Variants in KRT7 observed in about 807,000 individuals in gnomAD.
KRT7 encodes the protein keratin 7, also known as keratin, type II cytoskeletal 7.
KRT7 carries 50 observed loss-of-function variants against 42.8 expected under a neutral mutation model. That is an observed-to-expected ratio of 1.17 (90% CI 0.93 to 1.48). The LOEUF (loss-of-function observed/expected upper bound fraction) is 1.48, where lower values mean the gene tolerates loss of function less well. Ranked by LOEUF, KRT7 falls within the 40% of genes most tolerant of loss-of-function variation. The probability of loss-of-function intolerance (pLI) is 0.00; values close to 1 mark genes in which losing one functional copy is unlikely to be tolerated. For missense variants in KRT7, 588 were observed against 637.6 expected (o/e 0.92, Z 0.84); for synonymous variants, 268 against 266.3 (o/e 1.01, Z -0.06).
chr12:52,252,160 T>G (rs1730664837), downstream of KRT7: 1 of 1,440,446 alleles, frequency 6.9e-7, no homozygotes, highest in African/African-American at 1.4e-5. Context: ...TTGATGCACA[T>G]TCCAAGTAAA....
chr12:52,251,167 A>T (rs1027970928), downstream of KRT7, among the ~76,000 whole-genome samples: 5 of 151,928 alleles, frequency 3.3e-5, no homozygotes, highest in African/African-American at 1.2e-4. Flanking sequence ...TTTAGTAGAG[A>T]CGGGGTTTCA....
At chr12:52,251,535 C>T (rs1453397684), downstream of KRT7, among the ~76,000 whole-genome samples, 1 of 152,178 alleles carries the variant, frequency 6.6e-6, no homozygotes. Context: ...TGCTTCTAAG[C>T]TACAAATCTG....
chr12:52,246,720 A>T (rs1942178440), intron 7 of KRT7, among the ~76,000 whole-genome samples: 1 of 152,208 alleles, frequency 6.6e-6, no homozygotes, highest in African/African-American at 2.4e-5. Flanking sequence ...CTCTGGGAAC[A>T]CAGAAGCTGA....
intron 7 of KRT7, among the ~76,000 whole-genome samples, chr12:52,247,024 C>T (rs1942183882): frequency 6.6e-6 from 1 of 152,136 alleles, no homozygotes; most frequent in South Asian, 2.1e-4. Context: ...GATCCGGGTA[C>T]TCTGAGAGGA....
chr12:52,249,568 T>G (rs1350447484), downstream of KRT7: 4 of 152,420 alleles, frequency 2.6e-5, no homozygotes, highest in Non-Finnish European at 5.9e-5. Flanking sequence ...GAAGGACATC[T>G]GTGTTAAGTC....
chr12:52,237,672 C>A, intron 3 of KRT7, 103 bp downstream of exon 3: 1 of 870,732 alleles, frequency 1.1e-6, no homozygotes, highest in South Asian at 1.7e-5. Context: ...CTGGCCAAGG[C>A]CTGCCTGAGC....
chr12:52,234,693 G>C (rs1365826122), intron 1 of KRT7, among the ~76,000 whole-genome samples: 1 of 152,132 alleles, frequency 6.6e-6, no homozygotes, highest in Admixed American at 6.5e-5. Context: ...TGGGCTCCAG[G>C]CTGGGGTCAT....
downstream of KRT7, among the ~76,000 whole-genome samples, chr12:52,254,773 C>G (rs937837577): frequency 6.6e-6 from 1 of 152,180 alleles, no homozygotes; most frequent in Non-Finnish European, 1.5e-5. Context: ...TCAACTCTGT[C>G]CCTTCCAAGT....
chr12:52,237,306 C>G (rs564276046), intron 2 of KRT7, among the ~76,000 whole-genome samples: 6 of 152,242 alleles, frequency 3.9e-5, no homozygotes, highest in Admixed American at 1.3e-4. Context: ...ACCAACAACC[C>G]CCCATGCCAA....
downstream of KRT7, chr12:52,254,190 A>T: frequency 1.7e-6 from 1 of 584,244 alleles, no homozygotes; most frequent in Non-Finnish European, 3.3e-6. Context: ...CCATAGGGTC[A>T]GAAGCTGAAT....
intron 4 of KRT7, among the ~76,000 whole-genome samples, chr12:52,240,933 GC>G (rs1414786479): frequency 3.2e-5 from 2 of 62,994 alleles, no homozygotes; most frequent in East Asian, 9.6e-4. Flanking sequence ...CTCCCCCCAC[GC>G]CCCCGACAGG....
chr12:52,246,561 G>C (rs537544139), intron 7 of KRT7: 1 of 152,560 alleles, frequency 6.6e-6, no homozygotes, highest in African/African-American at 2.4e-5. Flanking sequence ...GGGCCTGGGT[G>C]CTGGGAGGAG....
Position 52,248,730 on chromosome 12 carries a change from A to C in KRT7, c.1380A>C (p.Ala460=), listed in dbSNP as rs1181747757. The part of the protein sequence containing the change: ...GLLKAYSIRT[A]SASRRSARD ...TGAAGGCTTATTCCATCCGGACCGCATCCGCCAGTCGCAGGAGTGCCCGCG... is the reference window on the plus strand; with the variant it reads ...TGAAGGCTTATTCCATCCGGACCGCCTCCGCCAGTCGCAGGAGTGCCCGCG... The change falls in exon 9 of 9, where the codon GCA becomes GCC. Residue 460 remains alanine (A), a synonymous_variant. Coordinates refer to ENST00000331817, the MANE Select transcript of KRT7 (RefSeq NM_005556.4). 6.3e-7 allele frequency: 1 copy of C among 1,595,888 alleles called. No individual in the cohort carries two copies. Among genetic ancestry groups the C allele is most frequent in the Admixed American group, 1.7e-5 (1 of 58,538 alleles).
downstream of KRT7, among the ~76,000 whole-genome samples, chr12:52,249,899 G>A (rs1205189898): frequency 6.6e-6 from 1 of 152,136 alleles, no homozygotes; most frequent in Non-Finnish European, 1.5e-5. Flanking sequence ...TGGACCAGCA[G>A]CCACAGTGAT....
chr12:52,235,427 C>G, intron 2 of KRT7, 61 bp downstream of exon 2: 1 of 1,436,226 alleles, frequency 7.0e-7, no homozygotes, highest in South Asian at 1.3e-5. Flanking sequence ...CCCTCATGAG[C>G]TGACCCTGTG....
At position 52,233,452 on chromosome 12, in the gene KRT7, C is replaced by G; in HGVS notation, c.156C>G (p.Arg52=). ...CCTCACGGCCGCGCGTGGCCGTGCG[C>G]TCTGCCTATGGGGGCCCGGTGGGCG... ...LGASRPRVAV[R]SAYGGPVGAG... is the part of the protein sequence containing the mutation. Residue 52 remains arginine (R), a synonymous_variant, in exon 1 of 9, where the codon CGC becomes CGG. Coordinates refer to ENST00000331817, the MANE Select transcript of KRT7 (RefSeq NM_005556.4). The G allele has an allele frequency of 2.5e-6, 4 of 1,590,008 alleles. No individual in the cohort carries two copies. Among genetic ancestry groups the G allele is most frequent in the Non-Finnish European group, 3.4e-6 (4 of 1,172,216 alleles).
chr12:52,245,164 G>A (rs1942149621), intron 6 of KRT7: 1 of 561,854 alleles, frequency 1.8e-6, no homozygotes. Flanking sequence ...TAGAAAAGAG[G>A]GGACTTTGGC....
chr12:52,238,862 G>T, intron 4 of KRT7, 87 bp downstream of exon 4: 1 of 819,592 alleles, frequency 1.2e-6, no homozygotes, highest in Non-Finnish European at 2.1e-6. Flanking sequence ...CTCTGTGTCA[G>T]TCCAGATATG....
chr12:52,247,966 G>T (rs1405262437), intron 7 of KRT7: 1 of 593,462 alleles, frequency 1.7e-6, no homozygotes, highest in African/African-American at 1.9e-5. Flanking sequence ...ATTGCCTGGG[G>T]TCAGGTGGCC....
Sources: gnomAD v4.1 joint callset for allele counts (sites outside exome capture counted in the v4.1 genomes callset) on GRCh38, gnomAD v4.1.1 for gene constraint, MANE v1.5 for transcripts, NCBI Gene and HGNC (gene_info 2026-07-23, HGNC 2026-07-21) for gene names.